Variants in INO80D observed in about 807,000 individuals in gnomAD.
INO80D encodes INO80 complex subunit D.
INO80D carries 21 observed loss-of-function variants against 87.6 expected under a neutral mutation model. The ratio of observed to expected loss-of-function variants is 0.24; its 90% confidence interval spans 0.17 to 0.35. INO80D has a LOEUF of 0.35. Ranked by LOEUF, INO80D falls within the 10% of genes least tolerant of loss-of-function variation. INO80D has a pLI of 1.00. For missense variants in INO80D, 982 were observed against 1,280.7 expected, an observed-to-expected ratio of 0.77 and a Z score of 3.56; for synonymous variants, 440 against 491.0, an observed-to-expected ratio of 0.90 and a Z score of 1.37.
At chr2:206,032,215 C>A (rs1688787671) in intron 5 of INO80D, among the ~76,000 whole-genome samples, 1 of 152,224 alleles carries the variant, frequency 6.6e-6, no homozygotes. Flanking sequence ...CACAAATCGT[C>A]TGTGCAGACT....
intron 4 of INO80D, among the ~76,000 whole-genome samples, chr2:206,051,005 A>G (rs191228932): frequency 8.8e-5 from 13 of 148,034 alleles, no homozygotes; most frequent in African/African-American, 2.9e-4. Flanking sequence ...TCTCTGCCTC[A>G]AAACTAATGT....
At chr2:206,031,676 C>T (rs536060369) in intron 5 of INO80D, among the ~76,000 whole-genome samples, 11 of 152,222 alleles carry the variant, frequency 7.2e-5, no homozygotes, top group African/African-American at 2.4e-4. Context: ...TCATCATGGC[C>T]GATGAGAGGC....
At chr2:206,046,912 C>T (rs879516731) in intron 4 of INO80D, among the ~76,000 whole-genome samples, 1 of 151,902 alleles carries the variant, frequency 6.6e-6, no homozygotes, top group Non-Finnish European at 1.5e-5. Flanking sequence ...TCCCGAGTAG[C>T]CAGGACTACA....
In INO80D at chr2:206,010,062, T is replaced by TACACACACACACAC. The variant is rs144790541; in HGVS notation, c.1543-282_1543-269dup. Among the ~76,000 whole-genome samples, 38 of 149,082 alleles carry TACACACACACACAC rather than the reference T, an allele frequency of 2.5e-4. No individual in the cohort carries two copies. The South Asian group carries it at 2.6e-3, about 10-fold the overall frequency. On this transcript the variant is annotated intron_variant, in intron 8 of 10. Coordinates refer to ENST00000403263, the MANE Select transcript of INO80D (RefSeq NM_017759.5). Reference sequence around the variant, plus strand: ...GATGGTCATTATAGTTGACACTGTCTACACACACACACACACACACACACG... The same window carrying TACACACACACACAC: ...GATGGTCATTATAGTTGACACTGTCTACACACACACACACACACACACACACACACACACACACG...
At chr2:206,036,677 C>T (rs1688904653) in intron 5 of INO80D, among the ~76,000 whole-genome samples, 1 of 151,914 alleles carries the variant, frequency 6.6e-6, no homozygotes, top group South Asian at 2.1e-4. Flanking sequence ...ATTCATGTAA[C>T]CAAATACCAC....
chr2:206,055,743 G>A (rs958479922), intron 4 of INO80D, among the ~76,000 whole-genome samples: 1 of 152,152 alleles, frequency 6.6e-6, no homozygotes, highest in African/African-American at 2.4e-5. Context: ...GCCAATTGCT[G>A]ATCAGAAATA....
intron 8 of INO80D, among the ~76,000 whole-genome samples, chr2:206,017,247 A>G (rs1688343615): frequency 6.6e-6 from 1 of 152,244 alleles, no homozygotes. Flanking sequence ...GATGAAAACA[A>G]TAAAAATGAA....
chr2:206,082,116 G>A (rs1247287102), intron 1 of INO80D, among the ~76,000 whole-genome samples: 1 of 152,190 alleles, frequency 6.6e-6, no homozygotes, highest in Non-Finnish European at 1.5e-5. Context: ...CGCCTCCCAG[G>A]TTCAAGTGAT....
chr2:206,040,000 A>C (rs1230232211), intron 5 of INO80D, among the ~76,000 whole-genome samples: 1 of 151,880 alleles, frequency 6.6e-6, no homozygotes, highest in African/African-American at 2.4e-5. Flanking sequence ...TTCCCACAAA[A>C]AAAAGCCCAG....
At chr2:206,072,420 C>T (rs561951894) in intron 1 of INO80D, among the ~76,000 whole-genome samples, 15 of 151,898 alleles carry the variant, frequency 9.9e-5, no homozygotes, top group Admixed American at 2.0e-4. Flanking sequence ...GGATTATAGG[C>T]GCCCGCCACC....
At chr2:206,051,631 T>C (rs1236873681) in intron 4 of INO80D, among the ~76,000 whole-genome samples, 1 of 152,102 alleles carries the variant, frequency 6.6e-6, no homozygotes, top group Non-Finnish European at 1.5e-5. Context: ...TTGGAGTATA[T>C]AGGTCAACAC....
chr2:205,996,072 C>T lies in INO80D; in HGVS notation c.*8296G>A, dbSNP rs1414131057. On this transcript the variant is annotated 3_prime_UTR_variant, in exon 11 of 11. Coordinates refer to ENST00000403263, the MANE Select transcript of INO80D (RefSeq NM_017759.5). ...TTTTGTAATTTAAGTAAAATGTCCCCAAATTATTGAGCTAAAACTTTCAAA... is the reference window on the plus strand; with the variant it reads ...TTTTGTAATTTAAGTAAAATGTCCCTAAATTATTGAGCTAAAACTTTCAAA... 2.6e-5 allele frequency: 4 copies of T among 151,952 alleles called. No individual in the cohort carries two copies. Among genetic ancestry groups the T allele is most frequent in the Non-Finnish European group, 5.9e-5 (4 of 67,928 alleles). 9.4% of individuals were successfully genotyped at this position (151,952 alleles called of 1,614,324 possible). A position where few individuals can be genotyped will look rare whatever the true frequency, so the allele number is the denominator to read the frequency against.
Position 205,994,033 on chromosome 2 carries a change from A to G in INO80D, c.*10335T>C, listed in dbSNP as rs1364411805. 2.6e-5 allele frequency: 4 copies of G among 152,140 alleles called. No homozygotes were observed. Among genetic ancestry groups the G allele is most frequent in the African/African-American group, 7.2e-5 (3 of 41,426 alleles). 9.4% of individuals were successfully genotyped at this position (152,140 alleles called of 1,614,324 possible). A position where few individuals can be genotyped will look rare whatever the true frequency, so the allele number is the denominator to read the frequency against. On this transcript the variant is annotated 3_prime_UTR_variant, in exon 11 of 11. Transcript: ENST00000403263. ...TTGTTTAAAGGGAAATTACAAACCA[A>G]AAGTCAATCGCCTCCCAAGACGTGG...
chr2:206,056,954 C>A lies in INO80D; in HGVS notation c.219-11G>T. On this transcript the variant is annotated splice_polypyrimidine_tract_variant and intron_variant, in intron 3 of 10. Transcript: ENST00000403263. ...TGGCTGTTGCAGTACCTTTAAAATACACACATACATGGGAAAACAGTCATG... is the reference window on the plus strand; with the variant it reads ...TGGCTGTTGCAGTACCTTTAAAATAAACACATACATGGGAAAACAGTCATG... 6.4e-7 allele frequency: 1 copy of A among 1,566,408 alleles called. No homozygotes were observed. Among genetic ancestry groups the A allele is most frequent in the Non-Finnish European group, 8.7e-7 (1 of 1,153,572 alleles).
chr2:206,064,778 T>C (rs904968392), intron 1 of INO80D, among the ~76,000 whole-genome samples: 5 of 152,132 alleles, frequency 3.3e-5, no homozygotes, highest in African/African-American at 1.2e-4. Context: ...AGTAGAGAAT[T>C]TGTAGTCTTC....
At chr2:206,025,542 A>AAAAAAAAAAAAAAAAAAAT in intron 6 of INO80D, 1 of 76,936 alleles carries the variant, frequency 1.3e-5, no homozygotes, top group Non-Finnish European at 2.6e-5. Flanking sequence ...AAAAAAAAAA[A>AAAAAAAAAAAAAAAAAAAT]ATATATATAT....
At chr2:206,041,308 G>C (rs778933243) in intron 5 of INO80D, among the ~76,000 whole-genome samples, 21 of 152,130 alleles carry the variant, frequency 1.4e-4, no homozygotes, top group Non-Finnish European at 2.4e-4. Flanking sequence ...GTAATACATT[G>C]CCAGTAAGAA....
intron 1 of INO80D, among the ~76,000 whole-genome samples, chr2:206,078,952 G>GA (rs1335299466): frequency 2.0e-5 from 3 of 151,990 alleles, no homozygotes; most frequent in Non-Finnish European, 4.4e-5. Context: ...AAAAAGAAAA[G>GA]AAAAAGACAT....
At chr2:206,083,257 G>T (rs990091017) in intron 1 of INO80D, among the ~76,000 whole-genome samples, 1 of 152,140 alleles carries the variant, frequency 6.6e-6, no homozygotes, top group Non-Finnish European at 1.5e-5. Context: ...CATAGTTTTG[G>T]AAAGCTTAGG....
Sources: gnomAD v4.1 joint callset for allele counts (sites outside exome capture counted in the v4.1 genomes callset) on GRCh38, gnomAD v4.1.1 for gene constraint, MANE v1.5 for transcripts, NCBI Gene and HGNC (gene_info 2026-07-23, HGNC 2026-07-21) for gene names.